Variants in NLRP1 observed in about 807,000 individuals in gnomAD.
NLRP1 encodes the protein NACHT, LRR and PYD domains-containing protein 1.
Under a neutral mutation model 136.7 loss-of-function variants are expected in NLRP1, and 94 were observed. That is an observed-to-expected ratio of 0.69 (90% CI 0.58 to 0.82). The LOEUF (loss-of-function observed/expected upper bound fraction) is 0.82. Among genes scored for constraint, NLRP1 ranks in the 40% least tolerant of loss-of-function variants. The probability of loss-of-function intolerance (pLI) is 0.00; values close to 1 mark genes in which losing one functional copy is unlikely to be tolerated. For missense variants in NLRP1, 1,575 were observed against 1,802.7 expected (o/e 0.87, Z 2.29); for synonymous variants, 690 against 725.1 (o/e 0.95, Z 0.78).
In NLRP1 at chr17:5,583,549, C is replaced by G. The variant is rs1218340819; in HGVS notation, c.271+138G>C. 7.6e-6 allele frequency: 7 copies of G among 923,958 alleles called. No homozygotes were observed. The highest frequency in any genetic ancestry group is 1.1e-5 in the Non-Finnish European group (7 of 629,268). 57.2% of individuals were successfully genotyped at this position (923,958 alleles called of 1,614,324 possible). On this transcript the variant is annotated intron_variant, in intron 1 of 16. Coordinates refer to ENST00000572272, the MANE Select transcript of NLRP1 (RefSeq NM_033004.4). The surrounding 1 kb of genome is among the most constrained non-coding windows in gnomAD (Gnocchi z 4.5). ...CAGCATAGTCTGGGGCCTGGATCCC[C>G]CTTTGAGAGGGCAGTTCCATGTCAC...
At chr17:5,516,938 T>C (rs948685214) in intron 15 of NLRP1, among the ~76,000 whole-genome samples, 5 of 152,206 alleles carry the variant, frequency 3.3e-5, no homozygotes, top group African/African-American at 1.2e-4. Context: ...GGTTCTTAGA[T>C]TGTTGGTACT....
intron 3 of NLRP1, among the ~76,000 whole-genome samples, chr17:5,564,578 A>G (rs376193592): frequency 6.6e-5 from 10 of 152,178 alleles, no homozygotes; most frequent in African/African-American, 1.9e-4. Context: ...CACGTTTTCT[A>G]TATCTGTTCA....
chr17:5,501,769 C>T (rs763615140), exon 16 of NLRP1: 3 of 1,548,696 alleles, frequency 1.9e-6, no homozygotes, highest in South Asian at 2.2e-5. Context: ...TGTCATCCAC[C>T]AAGCCCTCTC....
rs756780801 is a variant in NLRP1, at chr17:5,530,535, C to G, written c.3466G>C (p.Ala1156Pro). 6.2e-6 allele frequency: 10 copies of G among 1,614,232 alleles called. No homozygotes were observed. The highest frequency in any genetic ancestry group is 7.6e-6 in the Non-Finnish European group (9 of 1,180,040). ...MVAGPLLDIK[A>P]EPGAVEAVHL... ...ACAGCTTCCACAGCTCCAGGCTCAG[C>G]CTTGATGTCCAGCAGAGGCCCTGCC... The change falls in exon 12 of 17, where the codon GCT (alanine) becomes CCT (proline). Residue 1156 changes from alanine to proline, a missense_variant. Physicochemically the swap from Ala to Pro is conservative, Grantham distance 27. Coordinates refer to ENST00000572272, the MANE Select transcript of NLRP1 (RefSeq NM_033004.4).
Position 5,558,759 on chromosome 17 carries a change from T to C in NLRP1, c.1937A>G (p.His646Arg). ...TTCCAAATCTATGATGCAATTAGAA[T>C]GTTTACCTCTCCCCTTCTCATCCTC... ...VLEDEKGRGK[H>R]SNCIIDLEKT... is the part of the protein sequence containing the mutation. The change falls in exon 4 of 17, where the codon CAT becomes CGT. Residue 646 changes from histidine (H) to arginine (R), a missense_variant. By Grantham distance (29) the His-to-Arg change is conservative (BLOSUM62 0). Transcript: ENST00000572272. The C allele has an allele frequency of 6.2e-7, 1 of 1,614,182 alleles. No individual in the cohort carries two copies.
At chr17:5,511,572 C>T (rs1029970146), downstream of NLRP1, among the ~76,000 whole-genome samples, 4 of 152,100 alleles carry the variant, frequency 2.6e-5, no homozygotes, top group Admixed American at 6.5e-5. Context: ...GCCATGGAGA[C>T]GACTCCAGAT....
intron 5 of NLRP1, among the ~76,000 whole-genome samples, chr17:5,542,468 C>G (rs1439529775): frequency 6.6e-6 from 1 of 152,112 alleles, no homozygotes; most frequent in East Asian, 1.9e-4. Context: ...TCTTCTGGTG[C>G]TGACACCTCA....
chr17:5,561,348 C>T (rs1013316657), intron 3 of NLRP1, among the ~76,000 whole-genome samples: 1 of 152,190 alleles, frequency 6.6e-6, no homozygotes, highest in African/African-American at 2.4e-5. Context: ...GGCCACTGCA[C>T]CCAGCCTACT....
At chr17:5,573,265 G>T (rs1479214857) in intron 3 of NLRP1, among the ~76,000 whole-genome samples, 1 of 152,224 alleles carries the variant, frequency 6.6e-6, no homozygotes, top group Admixed American at 6.5e-5. Context: ...AGTGAGGCGG[G>T]GGGAGGGGTG....
chr17:5,536,860 A>C lies in NLRP1; in HGVS notation c.2951T>G (p.Phe984Cys), dbSNP rs1911139298. 1 of 1,611,816 alleles carries C rather than the reference A, an allele frequency of 6.2e-7. No homozygotes were observed. ...CTGGGTCCCCCCTTACCGTCTGCTG[A>C]AGATGAGCAGCTGAGGTTTCTCCTG... ...LEQEKPQLLIFSRRKPSVMTP... is the reference protein window; with the variant it reads ...LEQEKPQLLICSRRKPSVMTP... Residue 984 changes from phenylalanine (F) to cysteine (C), a missense_variant, in exon 8 of 17, where the codon TTC becomes TGC. Transcript: ENST00000572272.
chr17:5,559,105 T>A lies in NLRP1; in HGVS notation c.1591A>T (p.Met531Leu). The change falls in exon 4 of 17, where the codon ATG (methionine) becomes TTG (leucine). Residue 531 changes from methionine to leucine, a missense_variant. Physicochemically the swap from Met to Leu is conservative, Grantham distance 15. Coordinates refer to ENST00000572272, the MANE Select transcript of NLRP1 (RefSeq NM_033004.4). Reference sequence around the variant, plus strand: ...TTTTCCTTCCGCTTCATCTGCTGCATCAGGCAAGTGCAGGCCAGCCAGGAC... The same window carrying A: ...TTTTCCTTCCGCTTCATCTGCTGCAACAGGCAAGTGCAGGCCAGCCAGGAC... ...WVSWLACTCL[M>L]QQMKRKEKLT... The A allele has an allele frequency of 6.2e-7, 1 of 1,614,196 alleles. No homozygotes were observed. The highest frequency in any genetic ancestry group is 8.5e-7 in the Non-Finnish European group (1 of 1,180,034).
chr17:5,560,506 T>G (rs1230323507), intron 3 of NLRP1, among the ~76,000 whole-genome samples: 1 of 152,208 alleles, frequency 6.6e-6, no homozygotes, highest in Non-Finnish European at 1.5e-5. Flanking sequence ...TTGCAGTACC[T>G]GCCAATGGTG....
chr17:5,532,751 T>A, intron 11 of NLRP1, 71 bp downstream of exon 11: 1 of 1,408,888 alleles, frequency 7.1e-7, no homozygotes, highest in Non-Finnish European at 9.5e-7. Context: ...GCGCTGACTG[T>A]CTGTGGGGAC....
intron 3 of NLRP1, among the ~76,000 whole-genome samples, chr17:5,562,382 C>T (rs554061729): frequency 6.6e-6 from 1 of 152,328 alleles, no homozygotes; most frequent in South Asian, 2.1e-4. Flanking sequence ...GGAGGTATGC[C>T]TCTCTCTGCA....
rs749187188 is a variant in NLRP1 at position 5,520,975 on chromosome 17, C to T, written c.3821G>A (p.Arg1274Gln). Residue 1274 changes from arginine to glutamine, a missense_variant, in exon 14 of 17, where the codon CGA becomes CAA. Transcript: ENST00000572272. ...GGTCAGCGGGGGTGGCTTGTGGATT[C>T]GCACAAACTGGAATTTCATTTCTAG... Reference protein sequence around the residue: ...DDLEMKFQFVRIHKPPPLTPL... With the variant: ...DDLEMKFQFVQIHKPPPLTPL... The T allele has an allele frequency of 1.5e-5, 24 of 1,611,632 alleles. No individual in the cohort carries two copies. Among genetic ancestry groups the T allele is most frequent in the South Asian group, 5.5e-5 (5 of 90,560 alleles).
At chr17:5,577,150 A>G (rs891178658) in intron 3 of NLRP1, among the ~76,000 whole-genome samples, 1 of 152,212 alleles carries the variant, frequency 6.6e-6, no homozygotes, top group African/African-American at 2.4e-5. Context: ...ACCGACAGCC[A>G]ATATCATACT....
chr17:5,517,603 G>A (rs1908323561), intron 15 of NLRP1, 143 bp downstream of exon 15: 1 of 905,980 alleles, frequency 1.1e-6, no homozygotes, highest in East Asian at 2.5e-5. Context: ...GGCCAGGCTG[G>A]TCTTGAACTC....
chr17:5,527,852 C>G (rs1369301686), intron 12 of NLRP1, among the ~76,000 whole-genome samples: 1 of 152,234 alleles, frequency 6.6e-6, no homozygotes, highest in African/African-American at 2.4e-5. Context: ...AATCCCGTCT[C>G]CCAGGCCCAC....
At chr17:5,560,467 G>A (rs1914611229) in intron 3 of NLRP1, among the ~76,000 whole-genome samples, 1 of 152,202 alleles carries the variant, frequency 6.6e-6, no homozygotes. Context: ...GTGTGTAGCA[G>A]ATGCTGACAG....
Sources: gnomAD v4.1 joint callset for allele counts (sites outside exome capture counted in the v4.1 genomes callset) on GRCh38, gnomAD v4.1.1 for gene constraint, Gnocchi (gnomAD v3.1) non-coding constraint, MANE v1.5 for transcripts, NCBI Gene and HGNC (gene_info 2026-07-23, HGNC 2026-07-21) for gene names.